The following CCSER1 variants were observed in gnomAD, a reference collection of about 807,000 sequenced individuals.
CCSER1 encodes coiled-coil serine rich protein 1, also known as serine-rich coiled-coil domain-containing protein 1.
Under a neutral mutation model 82.0 loss-of-function variants are expected in CCSER1, and 41 were observed. That is an observed-to-expected ratio of 0.50 (90% CI 0.39 to 0.65). The LOEUF (loss-of-function observed/expected upper bound fraction) is 0.65. Among genes scored for constraint, CCSER1 ranks in the 30% least tolerant of loss-of-function variants. The pLI is 0.00. For missense variants in CCSER1, 1,119 were observed against 1,064.2 expected (o/e 1.05, Z -0.72); for synonymous variants, 414 against 383.9 (o/e 1.08, Z -0.92).
intron 3 of CCSER1, among the ~76,000 whole-genome samples, chr4:90,344,823 A>G (rs1245326578): frequency 2.6e-5 from 4 of 152,158 alleles, no homozygotes; most frequent in Non-Finnish European, 5.9e-5. Context: ...AGATGTAACT[A>G]AGAATAAAAT....
chr4:91,499,172 C>T (rs974958848), intron 10 of CCSER1, among the ~76,000 whole-genome samples: 1 of 151,878 alleles, frequency 6.6e-6, no homozygotes. Context: ...TAATTTAATG[C>T]ACTACATTTT....
intron 4 of CCSER1, among the ~76,000 whole-genome samples, chr4:90,410,814 C>CA: frequency 6.6e-6 from 1 of 152,018 alleles, no homozygotes; most frequent in African/African-American, 2.4e-5. Flanking sequence ...AAAAACCCTT[C>CA]AAAAAATCAA....
At chr4:91,348,415 A>G (rs1748222385) in intron 10 of CCSER1, among the ~76,000 whole-genome samples, 2 of 151,960 alleles carry the variant, frequency 1.3e-5, no homozygotes, top group African/African-American at 2.4e-5. Flanking sequence ...TGTTCCTGAG[A>G]GATATTGGTC....
chr4:90,990,217 G>T (rs1477544772), intron 9 of CCSER1, among the ~76,000 whole-genome samples: 1 of 151,842 alleles, frequency 6.6e-6, no homozygotes, highest in Non-Finnish European at 1.5e-5. Flanking sequence ...GTTTCTGGGA[G>T]ACTGTTTCAG....
intron 9 of CCSER1, among the ~76,000 whole-genome samples, chr4:90,933,844 G>A (rs773101996): frequency 2.6e-5 from 4 of 151,632 alleles, no homozygotes; most frequent in Non-Finnish European, 5.9e-5. Context: ...GTTAATGAAT[G>A]CATTTTACTA....
chr4:91,327,724 T>TCC lies in CCSER1; in HGVS notation c.2217+241730_2217+241731insCC, dbSNP rs750985355. On this transcript the variant is annotated intron_variant, in intron 10 of 10. Transcript: ENST00000509176. The stretch of plus-strand genomic sequence containing the variant: ...TTATGCTCTACTTCCCCTTTAAATA[T>TCC]AAGTTCCAAATTCAGGTCATTTCTT... Among the ~76,000 whole-genome samples, 14 of 152,356 alleles carry TCC rather than the reference T, an allele frequency of 9.2e-5. No homozygotes were observed. In the South Asian group the frequency reaches 1.2e-3, roughly 14 times the overall value.
At chr4:91,004,893 A>G (rs925906302) in intron 9 of CCSER1, among the ~76,000 whole-genome samples, 4 of 152,202 alleles carry the variant, frequency 2.6e-5, no homozygotes, top group Non-Finnish European at 5.9e-5. Flanking sequence ...TTGATGAAAT[A>G]CAGTCATAGA....
intron 10 of CCSER1, among the ~76,000 whole-genome samples, chr4:91,577,171 G>A (rs894138579): frequency 1.3e-5 from 2 of 151,748 alleles, no homozygotes; most frequent in African/African-American, 4.8e-5. Context: ...TTTTTTAAAT[G>A]TGGTTTCCTC....
intron 6 of CCSER1, among the ~76,000 whole-genome samples, chr4:90,633,745 G>C (rs955149723): frequency 1.3e-5 from 2 of 151,850 alleles, no homozygotes; most frequent in Non-Finnish European, 2.9e-5. Flanking sequence ...TGAGCTTACC[G>C]TTTTCCTAGT....
chr4:90,209,813 T>C (rs1379583042), intron 1 of CCSER1, among the ~76,000 whole-genome samples: 2 of 151,834 alleles, frequency 1.3e-5, no homozygotes, highest in African/African-American at 4.8e-5. Flanking sequence ...TGTTTTAAAA[T>C]GTAAATCAGA....
chr4:91,400,826 G>T (rs2149359264), intron 10 of CCSER1, among the ~76,000 whole-genome samples: 1 of 151,594 alleles, frequency 6.6e-6, no homozygotes, highest in East Asian at 1.9e-4. Flanking sequence ...GTCTATGGTT[G>T]TACCATTTTA....
intron 10 of CCSER1, among the ~76,000 whole-genome samples, chr4:91,571,033 T>C (rs1560772073): frequency 6.6e-6 from 1 of 152,134 alleles, no homozygotes; most frequent in Non-Finnish European, 1.5e-5. Flanking sequence ...TCCACCAGTC[T>C]CTTTAATAAA....
chr4:90,410,196 C>T (rs148544076), intron 4 of CCSER1, among the ~76,000 whole-genome samples: 26 of 152,132 alleles, frequency 1.7e-4, no homozygotes, highest in African/African-American at 6.0e-4. Flanking sequence ...ACATTAACAC[C>T]CCACTGTCAA....
At chr4:90,390,179 T>C (rs1750754427) in intron 3 of CCSER1, among the ~76,000 whole-genome samples, 1 of 152,186 alleles carries the variant, frequency 6.6e-6, no homozygotes, top group African/African-American at 2.4e-5. Flanking sequence ...ATGTAGGCAT[T>C]TGAGTAACAA....
In CCSER1 at chr4:90,551,706, C is replaced by CTCTCTCTCTCTATA; in HGVS notation, c.1725-76318_1725-76317insCTCTCTCTCTATAT. On this transcript the variant is annotated intron_variant, in intron 5 of 10. Coordinates refer to ENST00000509176, the MANE Select transcript of CCSER1 (RefSeq NM_001145065.2). ...TCTCTCTCTCTCTCTCTCTCTCTCTCTATATATATATATATATATATGTAA... is the reference window on the plus strand; with the variant it reads ...TCTCTCTCTCTCTCTCTCTCTCTCTCTCTCTCTCTCTATATATATATATATATATATATATGTAA... 2.1e-3 allele frequency among the ~76,000 whole-genome samples: 222 copies of CTCTCTCTCTCTATA among 104,214 alleles called. 1 individual carries two copies. The highest frequency in any genetic ancestry group is 6.5e-3 in the Middle Eastern group (1 of 154). The allele number at this position is 104,214 out of a possible 152,430, so 68.4% of individuals were successfully genotyped here.
chr4:91,171,622 A>G (rs553780908), intron 10 of CCSER1, among the ~76,000 whole-genome samples: 1 of 152,308 alleles, frequency 6.6e-6, no homozygotes, highest in African/African-American at 2.4e-5. Context: ...CCCAGGCCTC[A>G]CATAATTTGA....
chr4:90,443,912 G>A (rs1321121823), intron 4 of CCSER1, among the ~76,000 whole-genome samples: 3 of 151,972 alleles, frequency 2.0e-5, no homozygotes. Flanking sequence ...CAGTAATACA[G>A]ACACATATAA....
At chr4:90,796,985 G>T (rs575309555) in intron 7 of CCSER1, among the ~76,000 whole-genome samples, 24 of 152,246 alleles carry the variant, frequency 1.6e-4, no homozygotes, top group African/African-American at 5.8e-4. Flanking sequence ...GGAAAGTTCT[G>T]TAGATGTCTA....
intron 5 of CCSER1, among the ~76,000 whole-genome samples, chr4:90,599,473 A>T (rs1432849910): frequency 6.6e-6 from 1 of 151,760 alleles, no homozygotes; most frequent in African/African-American, 2.4e-5. Context: ...CTCAATAAAA[A>T]CTCTTTTCTT....
Sources: allele counts gnomAD v4.1 joint callset (sites outside exome capture counted in the v4.1 genomes callset), GRCh38; gene constraint gnomAD v4.1.1; transcripts MANE v1.5; gene names NCBI Gene and HGNC (gene_info 2026-07-23, HGNC 2026-07-21).